The following FAM81A variants were observed in gnomAD, a reference collection of about 807,000 sequenced individuals.
The protein encoded by FAM81A is family with sequence similarity 81 member A, also known as protein FAM81A.
Under a neutral mutation model 46.7 loss-of-function variants are expected in FAM81A, and 19 were observed. The ratio of observed to expected loss-of-function variants is 0.41; its 90% CI spans 0.28 to 0.60. The LOEUF (loss-of-function observed/expected upper bound fraction) is 0.60, where lower values mean the gene tolerates loss of function less well. Among genes scored for constraint, FAM81A ranks in the 20% least tolerant of loss-of-function variants. The pLI is 0.34. For synonymous variants in FAM81A, 183 were observed against 152.9 expected, an observed-to-expected ratio of 1.20 and a Z score of -1.45; for missense variants, 377 against 453.5, an observed-to-expected ratio of 0.83 and a Z score of 1.53.
chr15:59,514,233 T>TA (rs780714984), intron 6 of FAM81A, 56 bp from the exon 7 acceptor site: 26 of 1,451,858 alleles, frequency 1.8e-5, no homozygotes, highest in South Asian at 5.6e-5. Flanking sequence ...GAACTTAAAA[T>TA]AAAAAAAATA....
intron 1 of FAM81A, among the ~76,000 whole-genome samples, chr15:59,453,599 G>A (rs545056707): frequency 6.6e-6 from 1 of 152,052 alleles, no homozygotes; most frequent in South Asian, 2.1e-4. Flanking sequence ...AAAATATGTT[G>A]GACTGTAGCT....
At chr15:59,407,747 C>T in intron 2 of FAM81A, 2 of 212,502 alleles carry the variant, frequency 9.4e-6, no homozygotes, top group South Asian at 6.7e-5. Flanking sequence ...GCTCGAAAAA[C>T]AGGTGGTCTC....
rs578053509 is a variant in FAM81A at position 59,406,022 on chromosome 15, C to T, written c.-78+3664C>T. Reference sequence around the variant, plus strand: ...TACTATTCCTTTTATCCTTGCAACTCGACCCAGAAAGAGGTGGCTGTCAAT... The same window carrying T: ...TACTATTCCTTTTATCCTTGCAACTTGACCCAGAAAGAGGTGGCTGTCAAT... On this transcript the variant is annotated intron_variant, in intron 2 of 4. Transcript: ENST00000558348. 5.3e-5 allele frequency among the ~76,000 whole-genome samples: 8 copies of T among 152,258 alleles called. No homozygotes were observed. The East Asian group carries it at 1.5e-3, about 29-fold the overall frequency.
At chr15:59,417,551 C>CAAA (rs34839033) in intron 2 of FAM81A, among the ~76,000 whole-genome samples, 14 of 139,550 alleles carry the variant, frequency 1.0e-4, no homozygotes, top group South Asian at 9.1e-4. Flanking sequence ...ACTAAAAATA[C>CAAA]AAAAAAAAAA....
At chr15:59,436,340 C>A (rs1316128044), upstream of FAM81A, among the ~76,000 whole-genome samples, 9 of 151,886 alleles carry the variant, frequency 5.9e-5, no homozygotes, top group African/African-American at 2.2e-4. Flanking sequence ...GATCTACTAT[C>A]ACTCTCCTAG....
chr15:59,503,984 C>G (rs113949281), intron 4 of FAM81A, among the ~76,000 whole-genome samples: 1 of 152,160 alleles, frequency 6.6e-6, no homozygotes, highest in African/African-American at 2.4e-5. Context: ...ACTTTTGAGA[C>G]TTTTCAAACT....
At chr15:59,504,312 TCTAGTACAGTAC>T (rs1266274458) in intron 4 of FAM81A, among the ~76,000 whole-genome samples, 2 of 152,226 alleles carry the variant, frequency 1.3e-5, no homozygotes, top group African/African-American at 4.8e-5. Context: ...ATGTCAAGTA[TCTAGTACAGTAC>T]CTAGTACATA....
chr15:59,463,516 C>A (rs6494115), intron 3 of FAM81A, among the ~76,000 whole-genome samples: 118,644 of 152,020 alleles, frequency 0.78, 46,542 homozygotes, highest in East Asian at 0.85. Context: ...TTATATTAAA[C>A]AGTGACTTTG....
chr15:59,415,160 C>G (rs1567037583), intron 2 of FAM81A, among the ~76,000 whole-genome samples: 1 of 148,874 alleles, frequency 6.7e-6, no homozygotes, highest in Non-Finnish European at 1.5e-5. Flanking sequence ...GCTCTGTCAC[C>G]CAGGCTGGAG....
At chr15:59,484,286 G>A (rs1450031745) in intron 3 of FAM81A, among the ~76,000 whole-genome samples, 1 of 152,186 alleles carries the variant, frequency 6.6e-6, no homozygotes, top group Non-Finnish European at 1.5e-5. Flanking sequence ...TCAGTAGATG[G>A]ACAGGAGGGC....
Position 59,521,416 on chromosome 15 carries a change from A to T in FAM81A, c.*38A>T, listed in dbSNP as rs370699652. 10 of 1,562,204 alleles carry T rather than the reference A, an allele frequency of 6.4e-6. No individual in the cohort carries two copies. The Middle Eastern group carries it at 5.0e-4, about 78-fold the overall frequency. On this transcript the variant is annotated 3_prime_UTR_variant, in exon 9 of 9. Coordinates refer to ENST00000288228, the MANE Select transcript of FAM81A (RefSeq NM_152450.3). ...CAAGGTCCTAAAAGACAGTTTTGCC[A>T]GTGGGGCTAGGAGCCGGATACCTCT...
rs570948826 is a variant in FAM81A at position 59,443,763 on chromosome 15, T to G, written c.-78+5481T>G. Among the ~76,000 whole-genome samples the G allele has an allele frequency of 2.6e-5, 4 of 152,260 alleles. No homozygotes were observed. The South Asian group carries it at 8.3e-4, about 32-fold the overall frequency. ...GTGTCCCCTGCACAGTCTCCCTCCA[T>G]TCGTCCTTTCCTTTCTGTGCCTACT... On this transcript the variant is annotated intron_variant, in intron 1 of 8. Coordinates refer to ENST00000288228, the MANE Select transcript of FAM81A (RefSeq NM_152450.3).
chr15:59,494,431 C>A (rs2082013374), intron 4 of FAM81A, among the ~76,000 whole-genome samples: 1 of 152,170 alleles, frequency 6.6e-6, no homozygotes, highest in South Asian at 2.1e-4. Flanking sequence ...TTTATCATCT[C>A]AGGGGCAAGA....
intron 2 of FAM81A, among the ~76,000 whole-genome samples, chr15:59,423,136 C>G (rs538931502): frequency 6.6e-6 from 1 of 152,218 alleles, no homozygotes; most frequent in South Asian, 2.1e-4. Context: ...CTCGCACTGT[C>G]GCCCAGGCTG....
At chr15:59,486,261 A>C (rs2081915940) in intron 3 of FAM81A, among the ~76,000 whole-genome samples, 2 of 152,216 alleles carry the variant, frequency 1.3e-5, no homozygotes. Flanking sequence ...TGACATACTG[A>C]AGAATGCATC....
intron 3 of FAM81A, among the ~76,000 whole-genome samples, chr15:59,471,016 T>C (rs553813413): frequency 1.2e-4 from 19 of 152,294 alleles, no homozygotes; most frequent in African/African-American, 4.6e-4. Flanking sequence ...GGTTTTGCCA[T>C]GTTGCCCAGG....
At chr15:59,475,692 A>G (rs1159009964) in intron 3 of FAM81A, among the ~76,000 whole-genome samples, 3 of 152,218 alleles carry the variant, frequency 2.0e-5, no homozygotes, top group Admixed American at 2.0e-4. Context: ...TTTGTATTTG[A>G]GTGTTTACTT....
upstream of FAM81A, among the ~76,000 whole-genome samples, chr15:59,436,758 A>T (rs757644184): frequency 1.3e-5 from 2 of 152,140 alleles, no homozygotes; most frequent in African/African-American, 4.8e-5. Context: ...CTAACCGAGA[A>T]AGGAAAGAAT....
intron 2 of FAM81A, among the ~76,000 whole-genome samples, chr15:59,411,154 C>A (rs1032578652): frequency 6.6e-6 from 1 of 152,156 alleles, no homozygotes; most frequent in Non-Finnish European, 1.5e-5. Flanking sequence ...TAAGATCTTG[C>A]CCTGTGAATG....
Sources: allele counts gnomAD v4.1 joint callset (sites outside exome capture counted in the v4.1 genomes callset), GRCh38; gene constraint gnomAD v4.1.1; transcripts MANE v1.5; gene names NCBI Gene and HGNC (gene_info 2026-07-23, HGNC 2026-07-21).